GRIN3A: variants seen among roughly 807,000 people sequenced by gnomAD.
GRIN3A encodes glutamate ionotropic receptor NMDA type subunit 3A.
A neutral mutation model predicts 92.4 loss-of-function variants in GRIN3A; 47 were observed. That is an observed-to-expected ratio of 0.51 (90% CI 0.40 to 0.65). The LOEUF (loss-of-function observed/expected upper bound fraction) is 0.65. Among genes scored for constraint, GRIN3A ranks in the 30% least tolerant of loss-of-function variants. The pLI is 0.00. For missense variants in GRIN3A, 1,324 were observed against 1,393.1 expected (o/e 0.95, Z 0.79); for synonymous variants, 527 against 540.6 (o/e 0.97, Z 0.35).
chr9:101,618,199 A>G (rs1409022348), intron 5 of GRIN3A, among the ~76,000 whole-genome samples: 1 of 149,134 alleles, frequency 6.7e-6, no homozygotes, highest in African/African-American at 2.6e-5. Flanking sequence ...GGATCTAATT[A>G]AACTAAAGAG....
rs1258002704 is a variant in GRIN3A, at chr9:101,737,899, C to T, written c.81G>A (p.Gly27=). ...GCGGGTGCGAGGAGGAGCTGGGCACCCCGGCCAGCACCAGTGCGCAGGGCG... is the reference window on the plus strand; with the variant it reads ...GCGGGTGCGAGGAGGAGCTGGGCACTCCGGCCAGCACCAGTGCGCAGGGCG... ...LPPPCALVLA[G]VPSSSSHPQP... The change falls in exon 1 of 9, where the codon GGG becomes GGA. Residue 27 remains glycine (G), a synonymous_variant. Coordinates refer to ENST00000361820, the MANE Select transcript of GRIN3A (RefSeq NM_133445.3). 6.5e-7 allele frequency: 1 copy of T among 1,534,826 alleles called. No individual in the cohort carries two copies. Among genetic ancestry groups the T allele is most frequent in the South Asian group, 1.2e-5 (1 of 84,030 alleles).
intron 8 of GRIN3A, among the ~76,000 whole-genome samples, chr9:101,576,580 T>C (rs1304715692): frequency 6.6e-6 from 1 of 152,222 alleles, no homozygotes; most frequent in Non-Finnish European, 1.5e-5. Flanking sequence ...CAAATATTTT[T>C]TCATTGTAAG....
chr9:101,629,717 A>G (rs187059991), intron 3 of GRIN3A, among the ~76,000 whole-genome samples: 26 of 152,366 alleles, frequency 1.7e-4, no homozygotes, highest in Admixed American at 1.2e-3. Flanking sequence ...CAAACAAGAT[A>G]CTTAGAGCTT....
At chr9:101,614,910 G>A (rs888165577) in intron 5 of GRIN3A, among the ~76,000 whole-genome samples, 1 of 151,752 alleles carries the variant, frequency 6.6e-6, no homozygotes, top group Non-Finnish European at 1.5e-5. Context: ...TGAGCCACGT[G>A]CCCAGCCTGT....
At chr9:101,733,976 T>C (rs1008661949) in intron 1 of GRIN3A, among the ~76,000 whole-genome samples, 1 of 152,146 alleles carries the variant, frequency 6.6e-6, no homozygotes, top group Non-Finnish European at 1.5e-5. Context: ...TGAGACTACA[T>C]GTAGGTGCCA....
intron 2 of GRIN3A, among the ~76,000 whole-genome samples, chr9:101,675,278 C>T (rs773916838): frequency 6.6e-5 from 10 of 151,842 alleles, no homozygotes; most frequent in East Asian, 3.9e-4. Flanking sequence ...ATTAAGAATA[C>T]GTAATTTGCA....
chr9:101,689,287 T>A (rs1221467903), intron 1 of GRIN3A, among the ~76,000 whole-genome samples: 1 of 152,174 alleles, frequency 6.6e-6, no homozygotes, highest in Non-Finnish European at 1.5e-5. Context: ...ACCATATCAT[T>A]CTCCTGCACC....
At chr9:101,602,594 T>C (rs952431484) in intron 6 of GRIN3A, among the ~76,000 whole-genome samples, 2 of 152,228 alleles carry the variant, frequency 1.3e-5, no homozygotes, top group African/African-American at 4.8e-5. Context: ...TCATAAATAT[T>C]CATGAGTTTG....
rs527926405 is a variant in GRIN3A at position 101,723,555 on chromosome 9, G to A, written c.699+13726C>T. ...GAGCCAGTTGCCACTGCTGGCTCGG[G>A]CAGCCTGCTTTTATTCTCTTATCTG... On this transcript the variant is annotated intron_variant, in intron 1 of 8. Coordinates refer to ENST00000361820, the MANE Select transcript of GRIN3A (RefSeq NM_133445.3). 6.6e-5 allele frequency among the ~76,000 whole-genome samples: 10 copies of A among 152,256 alleles called. No individual in the cohort carries two copies. In the South Asian group the frequency reaches 2.1e-3, roughly 32 times the overall value.
chr9:101,682,624 C>T (rs900031737), intron 2 of GRIN3A, among the ~76,000 whole-genome samples: 4 of 152,200 alleles, frequency 2.6e-5, no homozygotes, highest in Admixed American at 6.5e-5. Context: ...CATTCAAATG[C>T]GCTTATAAAG....
At chr9:101,724,406 C>CGA (rs1054340490) in intron 1 of GRIN3A, among the ~76,000 whole-genome samples, 9 of 152,138 alleles carry the variant, frequency 5.9e-5, no homozygotes, top group African/African-American at 2.2e-4. Context: ...CCCGCTGCTC[C>CGA]GAGTGCGGGG....
At position 101,675,472 on chromosome 9, in the gene GRIN3A, A is replaced by G. The variant is rs142387902; in HGVS notation, c.1305-4365T>C. ...ATTTATTCATCATAAAATGAGCAAC[A>G]CATCACACATTCAATCATCTATTTA... On this transcript the variant is annotated intron_variant, in intron 2 of 8. Coordinates refer to ENST00000361820, the MANE Select transcript of GRIN3A (RefSeq NM_133445.3). Among the ~76,000 whole-genome samples the G allele has an allele frequency of 3.8e-3, 575 of 152,128 alleles. 3 individuals carry two copies. The highest frequency in any genetic ancestry group is 0.015 in the East Asian group (77 of 5,174).
intron 2 of GRIN3A, among the ~76,000 whole-genome samples, chr9:101,677,642 G>A (rs1287556012): frequency 1.3e-5 from 2 of 151,742 alleles, no homozygotes; most frequent in African/African-American, 2.4e-5. Context: ...ACTTGATGGC[G>A]AGTTGTTACT....
intron 6 of GRIN3A, among the ~76,000 whole-genome samples, chr9:101,595,331 T>TC (rs1554716243): frequency 6.0e-5 from 9 of 150,778 alleles, no homozygotes; most frequent in Non-Finnish European, 7.4e-5. Flanking sequence ...TTTTTTTTTT[T>TC]CTCTGAGAAA....
intron 6 of GRIN3A, among the ~76,000 whole-genome samples, chr9:101,604,668 G>C (rs1828253963): frequency 6.6e-6 from 1 of 152,140 alleles, no homozygotes; most frequent in African/African-American, 2.4e-5. Context: ...ATGAGAAAGG[G>C]GCAGGAGGGT....
intron 1 of GRIN3A, among the ~76,000 whole-genome samples, chr9:101,724,490 C>G (rs1180067353): frequency 6.6e-6 from 1 of 152,168 alleles, no homozygotes; most frequent in Non-Finnish European, 1.5e-5. Context: ...CGCGCCTCTC[C>G]CTCCGCACCT....
At chr9:101,592,796 C>G (rs1335264621) in intron 6 of GRIN3A, 4 of 150,686 alleles carry the variant, frequency 2.7e-5, no homozygotes, top group Non-Finnish European at 5.9e-5. Flanking sequence ...CAGTTGCCAG[C>G]TTCTTCCAAA....
rs1564126433 is a variant in GRIN3A at position 101,613,534 on chromosome 9, G to GAA, written c.2615-9_2615-8dup. 6.2e-7 allele frequency: 1 copy of GAA among 1,613,996 alleles called. No homozygotes were observed. Among genetic ancestry groups the GAA allele is most frequent in the South Asian group, 1.1e-5 (1 of 91,054 alleles). On this transcript the variant is annotated splice_polypyrimidine_tract_variant and splice_region_variant and intron_variant, in intron 5 of 8. Coordinates refer to ENST00000361820, the MANE Select transcript of GRIN3A (RefSeq NM_133445.3). ...GGGAGGCCAATGCCGTATCCTAGAAGAAAATACAATCTCAGATGAGTTTTT... is the reference window on the plus strand; with the variant it reads ...GGGAGGCCAATGCCGTATCCTAGAAGAAAAAATACAATCTCAGATGAGTTTTT...
intron 3 of GRIN3A, among the ~76,000 whole-genome samples, chr9:101,659,738 T>A (rs1463480055): frequency 6.6e-6 from 1 of 151,766 alleles, no homozygotes; most frequent in Non-Finnish European, 1.5e-5. Flanking sequence ...ATAAAGGAAA[T>A]GATCTTAGAC....
Sources: allele counts gnomAD v4.1 joint callset (sites outside exome capture counted in the v4.1 genomes callset), GRCh38; gene constraint gnomAD v4.1.1; transcripts MANE v1.5; gene names NCBI Gene and HGNC (gene_info 2026-07-23, HGNC 2026-07-21).